PHACTR4: variants seen among roughly 807,000 people sequenced by gnomAD.
The protein encoded by PHACTR4 is phosphatase and actin regulator 4.
PHACTR4 carries 51 observed loss-of-function variants against 72.7 expected under a neutral mutation model. The observed-to-expected ratio is 0.70, with a 90% CI of 0.56 to 0.89. PHACTR4 has a LOEUF of 0.89. PHACTR4 is among the 40% of genes least tolerant of loss of function. The pLI, the probability that PHACTR4 is intolerant of heterozygous loss-of-function variation, is 0.00. For missense variants in PHACTR4, 731 were observed against 861.8 expected, an observed-to-expected ratio of 0.85 and a Z score of 1.90; for synonymous variants, 255 against 302.5, an observed-to-expected ratio of 0.84 and a Z score of 1.63.
At chr1:28,491,503 G>A in intron 11 of PHACTR4, 147 bp from the exon 12 acceptor site, 1 of 1,049,810 alleles carries the variant, frequency 9.5e-7, no homozygotes, top group Non-Finnish European at 1.4e-6. Context: ...CATAATCACT[G>A]GGGGTGGGAC....
At position 28,423,445 on chromosome 1, in the gene PHACTR4, G is replaced by A. The variant is rs566214810; in HGVS notation, c.16+15982G>A. Among the ~76,000 whole-genome samples, 143 of 130,248 alleles carry A rather than the reference G, an allele frequency of 1.1e-3. 1 individual carries two copies. In the Middle Eastern group the frequency reaches 0.012, roughly 11 times the overall value. The allele number at this position is 130,248 out of a possible 152,430, so 85.4% of individuals were successfully genotyped here. A position where few individuals can be genotyped will look rare whatever the true frequency, so the allele number is the denominator to read the frequency against. ...TAAATAAATAAATAAATAAATAAAT[G>A]AGTAAATAAATATCTTGCGCTCTCA... On this transcript the variant is annotated intron_variant, in intron 2 of 13. Coordinates refer to ENST00000373839, the MANE Select transcript of PHACTR4 (RefSeq NM_001048183.3).
intron 2 of PHACTR4, among the ~76,000 whole-genome samples, chr1:28,447,624 C>T (rs1439928964): frequency 6.6e-6 from 1 of 151,906 alleles, no homozygotes; most frequent in Non-Finnish European, 1.5e-5. Context: ...GAGTGAATAG[C>T]TTATATTCTG....
chr1:28,488,409 AT>A (rs923202437), intron 9 of PHACTR4, among the ~76,000 whole-genome samples: 1 of 152,208 alleles, frequency 6.6e-6, no homozygotes, highest in African/African-American at 2.4e-5. Flanking sequence ...AGGCAGGAGA[AT>A]GTCATGAACC....
At chr1:28,399,721 G>A (rs115769735) in intron 1 of PHACTR4, among the ~76,000 whole-genome samples, 1,645 of 152,184 alleles carry the variant, frequency 0.011, 29 homozygotes, top group African/African-American at 0.037. Flanking sequence ...ACTTAGGTAA[G>A]CATATCTATA....
In PHACTR4 at chr1:28,496,690, T is replaced by A. The variant is rs1661382873; in HGVS notation, c.*141T>A. On this transcript the variant is annotated 3_prime_UTR_variant, in exon 14 of 14. Coordinates refer to ENST00000373839, the MANE Select transcript of PHACTR4 (RefSeq NM_001048183.3). ...CTTCTGAGGTGGACAGCACTTTGAA[T>A]GTAGCATTTCACTGGAACAGAGTCT... is the stretch of plus-strand genomic sequence containing the variant. 1 of 962,308 alleles carries A rather than the reference T, an allele frequency of 1.0e-6. No homozygotes were observed. Among genetic ancestry groups the A allele is most frequent in the Non-Finnish European group, 1.6e-6 (1 of 608,424 alleles). 59.6% of individuals were successfully genotyped at this position (962,308 alleles called of 1,614,324 possible).
chr1:28,384,147 G>C (rs1472615867), intron 1 of PHACTR4, among the ~76,000 whole-genome samples: 1 of 152,134 alleles, frequency 6.6e-6, no homozygotes, highest in Non-Finnish European at 1.5e-5. Context: ...TCTCTGCCAA[G>C]TTTTGGTATC....
At chr1:28,429,219 A>G (rs1656072593) in intron 2 of PHACTR4, among the ~76,000 whole-genome samples, 1 of 152,224 alleles carries the variant, frequency 6.6e-6, no homozygotes, top group Admixed American at 6.5e-5. Flanking sequence ...GCTAGTTCAC[A>G]TGAAGTACAA....
chr1:28,465,315 A>T (rs895575694), intron 4 of PHACTR4, among the ~76,000 whole-genome samples: 1 of 152,042 alleles, frequency 6.6e-6, no homozygotes, highest in Non-Finnish European at 1.5e-5. Context: ...ACAAAAAATT[A>T]GTCGGGCGTG....
chr1:28,378,448 A>T (rs1030492003), intron 1 of PHACTR4, among the ~76,000 whole-genome samples: 2 of 151,508 alleles, frequency 1.3e-5, no homozygotes, highest in African/African-American at 2.4e-5. Flanking sequence ...GGTTGCAATG[A>T]GCCAAGATCA....
chr1:28,430,168 A>G (rs186358101), intron 2 of PHACTR4, among the ~76,000 whole-genome samples: 1,595 of 151,824 alleles, frequency 0.011, 33 homozygotes, highest in African/African-American at 0.037. Flanking sequence ...GACTACAGGC[A>G]CCCGCCACCA....
At chr1:28,493,218 C>T (rs1557853952) in intron 13 of PHACTR4, 127 bp downstream of exon 13, 4 of 792,164 alleles carry the variant, frequency 5.0e-6, no homozygotes, top group Non-Finnish European at 8.3e-6. Context: ...AGACTGCATT[C>T]AAAGGGATGA....
intron 2 of PHACTR4, among the ~76,000 whole-genome samples, chr1:28,427,299 G>A (rs1005559320): frequency 6.6e-6 from 1 of 152,142 alleles, no homozygotes; most frequent in Non-Finnish European, 1.5e-5. Flanking sequence ...GCAGCGGGAT[G>A]TGGATCACTT....
chr1:28,425,948 C>A (rs1022500339), intron 2 of PHACTR4, among the ~76,000 whole-genome samples: 1 of 152,026 alleles, frequency 6.6e-6, no homozygotes, highest in South Asian at 2.1e-4. Context: ...GGGCCGGGCA[C>A]GGTGGCTCAC....
At chr1:28,388,941 A>G (rs527695242) in intron 1 of PHACTR4, among the ~76,000 whole-genome samples, 1 of 152,310 alleles carries the variant, frequency 6.6e-6, no homozygotes, top group South Asian at 2.1e-4. Flanking sequence ...AGAAAGCTTC[A>G]TGACTTGGTC....
intron 9 of PHACTR4, among the ~76,000 whole-genome samples, chr1:28,485,056 C>G (rs1469228769): frequency 6.6e-6 from 1 of 152,118 alleles, no homozygotes; most frequent in Non-Finnish European, 1.5e-5. Context: ...ACAACATAGT[C>G]AAACCTTGAG....
intron 2 of PHACTR4, among the ~76,000 whole-genome samples, chr1:28,452,917 G>C (rs538558640): frequency 3.9e-5 from 6 of 152,204 alleles, no homozygotes; most frequent in East Asian, 1.9e-4. Flanking sequence ...TCAGGAGCTC[G>C]AGACCAGCCT....
chr1:28,477,683 G>A (rs959143327), intron 8 of PHACTR4, among the ~76,000 whole-genome samples: 5 of 151,686 alleles, frequency 3.3e-5, no homozygotes, highest in Admixed American at 2.0e-4. Context: ...TTGTGCCACC[G>A]AACACTAGAT....
intron 1 of PHACTR4, among the ~76,000 whole-genome samples, chr1:28,377,165 T>A (rs1651745658): frequency 6.6e-6 from 1 of 151,062 alleles, no homozygotes; most frequent in Non-Finnish European, 1.5e-5. Context: ...TCCAAACTCC[T>A]GAACTCAGGT....
chr1:28,378,612 GA>G (rs1323386329), intron 1 of PHACTR4, among the ~76,000 whole-genome samples: 116 of 133,118 alleles, frequency 8.7e-4, no homozygotes, highest in African/African-American at 2.3e-3. Context: ...GCACAAGGGG[GA>G]AAAAATAGAG....
Sources: gnomAD v4.1 joint callset for allele counts (sites outside exome capture counted in the v4.1 genomes callset) on GRCh38, gnomAD v4.1.1 for gene constraint, MANE v1.5 for transcripts, NCBI Gene and HGNC (gene_info 2026-07-23, HGNC 2026-07-21) for gene names.